Variants in MAX observed in about 807,000 individuals in gnomAD.
MAX encodes protein max.
In MAX, 3 loss-of-function variants were observed where a neutral mutation model predicts 22.3. The observed-to-expected ratio is 0.13, with a 90% CI of 0.06 to 0.35. The LOEUF is 0.35. Among genes scored for constraint, MAX ranks in the 10% least tolerant of loss-of-function variants. The pLI is 1.00. For synonymous variants in MAX, 72 were observed against 77.7 expected (o/e 0.93, Z 0.39); for missense variants, 119 against 209.4 (o/e 0.57, Z 2.66).
Position 65,088,921 on chromosome 14 carries a change from A to T in MAX, c.171+4787T>A, listed in dbSNP as rs1411859877. On this transcript the variant is annotated intron_variant, in intron 3 of 4. Coordinates refer to ENST00000358664, the MANE Select transcript of MAX (RefSeq NM_002382.5). This position sits in a 1 kb window ranked among gnomAD's most constrained non-coding sequence, Gnocchi z 5.2. ...TGTTCCCTGCCATAAGGGAACTATTATATTTGGTTTCAACATCTACCTGTT... is the reference window on the plus strand; with the variant it reads ...TGTTCCCTGCCATAAGGGAACTATTTTATTTGGTTTCAACATCTACCTGTT... Among the ~76,000 whole-genome samples the T allele has an allele frequency of 6.6e-6, 1 of 152,194 alleles. No homozygotes were observed. Among genetic ancestry groups the T allele is most frequent in the Non-Finnish European group, 1.5e-5 (1 of 68,020 alleles).
intron 3 of MAX, among the ~76,000 whole-genome samples, chr14:65,086,779 C>G (rs149511280): frequency 2.8e-3 from 422 of 152,304 alleles, no homozygotes; most frequent in African/African-American, 9.4e-3. Context: ...GAAATTCAAG[C>G]CAGCTGCAGA....
intron 3 of MAX, among the ~76,000 whole-genome samples, chr14:65,024,768 C>T (rs72728253): frequency 1.3e-5 from 2 of 151,852 alleles, no homozygotes; most frequent in Admixed American, 1.3e-4. Flanking sequence ...TTTTTCTCCC[C>T]CTACATTTGT....
At chr14:65,099,581 T>C (rs2063771664) in intron 2 of MAX, among the ~76,000 whole-genome samples, 1 of 151,928 alleles carries the variant, frequency 6.6e-6, no homozygotes, top group Non-Finnish European at 1.5e-5. Flanking sequence ...AACTTTCTCT[T>C]ACTGGGAAGT....
Position 65,076,910 on chromosome 14 carries a change from T to C in MAX, c.296-247A>G. 1.7e-6 allele frequency: 1 copy of C among 605,024 alleles called. No individual in the cohort carries two copies. Among genetic ancestry groups the C allele is most frequent in the East Asian group, 2.9e-5 (1 of 34,936 alleles). The allele number at this position is 605,024 out of a possible 1,614,324, so 37.5% of individuals were successfully genotyped here. Reference sequence around the variant, plus strand: ...TCCCACCCAACTCTGAAGAGAAGGCTTGTGATGTCACCGTCCTGCCGTGGA... The same window carrying C: ...TCCCACCCAACTCTGAAGAGAAGGCCTGTGATGTCACCGTCCTGCCGTGGA... On this transcript the variant is annotated intron_variant, in intron 4 of 4. Transcript: ENST00000358664. This position sits in a 1 kb window ranked among gnomAD's most constrained non-coding sequence, Gnocchi z 6.6.
intron 3 of MAX, among the ~76,000 whole-genome samples, chr14:65,067,237 T>C (rs2062940548): frequency 6.6e-6 from 1 of 151,890 alleles, no homozygotes; most frequent in Non-Finnish European, 1.5e-5. Flanking sequence ...TAGTTTGAGA[T>C]TGACAGAAAA....
Position 65,102,477 on chromosome 14 carries a change from T to TCA in MAX, c.-140_-139dup, listed in dbSNP as rs886050638. The TCA allele has an allele frequency of 3.2e-4, 474 of 1,474,142 alleles. No individual in the cohort carries two copies. Among genetic ancestry groups the TCA allele is most frequent in the East Asian group, 9.4e-4 (37 of 39,308 alleles). The allele number at this position is 1,474,142 out of a possible 1,614,324, so 91.3% of individuals were successfully genotyped here. A position where few individuals can be genotyped will look rare whatever the true frequency, so the allele number is the denominator to read the frequency against. ...CTCACTCACTCACTCGCTCTCTCAC[T>TCA]CACACACACACACAACACGGGCAAG... On this transcript the variant is annotated 5_prime_UTR_variant, in exon 1 of 5. Coordinates refer to ENST00000358664, the MANE Select transcript of MAX (RefSeq NM_002382.5).
In MAX at chr14:65,082,214, G is replaced by A. The variant is rs1044954484; in HGVS notation, c.172-4178C>T. 6.6e-6 allele frequency: 1 copy of A among 152,154 alleles called. No individual in the cohort carries two copies. The highest frequency in any genetic ancestry group is 6.5e-5 in the Admixed American group (1 of 15,284). The allele number at this position is 152,154 out of a possible 1,614,324, so 9.4% of individuals were successfully genotyped here. On this transcript the variant is annotated intron_variant, in intron 3 of 4. Transcript: ENST00000358664. The surrounding 1 kb of genome is among the most constrained non-coding windows in gnomAD (Gnocchi z 4.8). ...ACTTTGGGAACACAGGGGAAGCTATGGAACTAATTTAAAAAGATCAATAGA... is the reference window on the plus strand; with the variant it reads ...ACTTTGGGAACACAGGGGAAGCTATAGAACTAATTTAAAAAGATCAATAGA...
intron 3 of MAX, among the ~76,000 whole-genome samples, chr14:65,045,291 A>C (rs1370993939): frequency 6.6e-6 from 1 of 152,182 alleles, no homozygotes; most frequent in African/African-American, 2.4e-5. Context: ...CCCTGGGTCC[A>C]AAGAGAAGCT....
chr14:65,011,459 A>T lies in MAX; in HGVS notation c.172-5175T>A, dbSNP rs549484663. Among the ~76,000 whole-genome samples, 1 of 150,482 alleles carries T rather than the reference A, an allele frequency of 6.6e-6. No individual in the cohort carries two copies. The highest frequency in any genetic ancestry group is 1.5e-5 in the Non-Finnish European group (1 of 67,834). On this transcript the variant is annotated intron_variant, in intron 3 of 3. Transcript: ENST00000341653. The surrounding 1 kb of genome is among the most constrained non-coding windows in gnomAD (Gnocchi z 4.0). ...AAAAAAAAAAAAAAAAAAAGACTGC[A>T]TGAAGGCTCTTACTCTGAGCCAAGT...
At chr14:65,059,196 A>C (rs1005078312) in intron 3 of MAX, among the ~76,000 whole-genome samples, 3 of 151,788 alleles carry the variant, frequency 2.0e-5, no homozygotes, top group African/African-American at 4.8e-5. Flanking sequence ...CTAATTTTTA[A>C]ATTTTTTGTA....
At chr14:65,049,907 T>C (rs1397934576) in intron 3 of MAX, among the ~76,000 whole-genome samples, 1 of 152,040 alleles carries the variant, frequency 6.6e-6, no homozygotes, top group Non-Finnish European at 1.5e-5. Context: ...CCCATACACA[T>C]TAAATATTTT....
chr14:65,044,514 G>A lies in MAX; in HGVS notation c.172-38230C>T. ...ACTACTCACAAAGTCTGGAAGCCCA[G>A]CGTGCTTTTTTAGAGGGGTTGAAAT... On this transcript the variant is annotated intron_variant, in intron 3 of 3. Transcript: ENST00000341653. This position sits in a 1 kb window ranked among gnomAD's most constrained non-coding sequence, Gnocchi z 5.5. 6.5e-7 allele frequency: 1 copy of A among 1,549,158 alleles called. No individual in the cohort carries two copies. Among genetic ancestry groups the A allele is most frequent in the Non-Finnish European group, 8.7e-7 (1 of 1,153,204 alleles).
rs747933307 is a variant in MAX at position 65,076,932 on chromosome 14, T to C, written c.296-269A>G. The C allele has an allele frequency of 5.1e-6, 3 of 582,820 alleles. No homozygotes were observed. The highest frequency in any genetic ancestry group is 2.8e-5 in the Admixed American group (1 of 35,912). The allele number at this position is 582,820 out of a possible 1,614,324, so 36.1% of individuals were successfully genotyped here. On this transcript the variant is annotated intron_variant, in intron 4 of 4. Coordinates refer to ENST00000358664, the MANE Select transcript of MAX (RefSeq NM_002382.5). This position sits in a 1 kb window ranked among gnomAD's most constrained non-coding sequence, Gnocchi z 6.6. ...GGCTTGTGATGTCACCGTCCTGCCG[T>C]GGAAGCCCCGTGGAGAGACTGGAGC...
intron 3 of MAX, among the ~76,000 whole-genome samples, chr14:65,018,852 T>C (rs1341579040): frequency 6.7e-6 from 1 of 149,260 alleles, no homozygotes; most frequent in Non-Finnish European, 1.5e-5. Context: ...GGCTCACACC[T>C]GTAATCCCAG....
intron 3 of MAX, among the ~76,000 whole-genome samples, chr14:65,064,964 G>T (rs2062916486): frequency 6.6e-6 from 1 of 152,230 alleles, no homozygotes; most frequent in Non-Finnish European, 1.5e-5. Flanking sequence ...GCCCTGACTG[G>T]CTAAGCCAAT....
At chr14:65,094,282 T>C (rs529368957) in intron 2 of MAX, 27 of 233,468 alleles carry the variant, frequency 1.2e-4, no homozygotes, top group Admixed American at 8.7e-4. Flanking sequence ...GCTTCTTTAA[T>C]GTGAAACCAT....
In MAX at chr14:65,078,206, T is replaced by TA. The variant is rs2063111958; in HGVS notation, c.172-171_172-170insT. ...TGTAGGCTTTATTTATTTATTTATT[T>TA]TTTTATTTTTTTGAGACAGAGTTTC... On this transcript the variant is annotated intron_variant, in intron 3 of 4. Transcript: ENST00000358664. This position sits in a 1 kb window ranked among gnomAD's most constrained non-coding sequence, Gnocchi z 6.4. 2.7e-5 allele frequency among the ~76,000 whole-genome samples: 4 copies of TA among 148,368 alleles called. No individual in the cohort carries two copies. Among genetic ancestry groups the TA allele is most frequent in the African/African-American group, 9.8e-5 (4 of 40,746 alleles).
At position 65,027,915 on chromosome 14, in the gene MAX, G is replaced by C; in HGVS notation, c.172-21631C>G. 2.7e-6 allele frequency: 3 copies of C among 1,121,718 alleles called. No homozygotes were observed. Among genetic ancestry groups the C allele is most frequent in the Non-Finnish European group, 3.9e-6 (3 of 774,282 alleles). 69.5% of individuals were successfully genotyped at this position (1,121,718 alleles called of 1,614,324 possible). A position where few individuals can be genotyped will look rare whatever the true frequency, so the allele number is the denominator to read the frequency against. On this transcript the variant is annotated intron_variant, in intron 3 of 3. Coordinates refer to the MAX transcript ENST00000341653. The surrounding 1 kb of genome is among the most constrained non-coding windows in gnomAD (Gnocchi z 5.7). ...GAATGACACATGGGATGACATGTCAGTGACACGTCAGAATCATTCAGATGT... is the reference window on the plus strand; with the variant it reads ...GAATGACACATGGGATGACATGTCACTGACACGTCAGAATCATTCAGATGT...
chr14:65,090,873 A>G (rs923960254), intron 3 of MAX, among the ~76,000 whole-genome samples: 1 of 152,230 alleles, frequency 6.6e-6, no homozygotes, highest in Non-Finnish European at 1.5e-5. Flanking sequence ...TTTGGGTCCC[A>G]CATTTAAAGC....
Sources: gnomAD v4.1 joint callset for allele counts (sites outside exome capture counted in the v4.1 genomes callset) on GRCh38, gnomAD v4.1.1 for gene constraint, Gnocchi (gnomAD v3.1) non-coding constraint, MANE v1.5 for transcripts, NCBI Gene and HGNC (gene_info 2026-07-23, HGNC 2026-07-21) for gene names.